Variants in PRICKLE3 observed in about 807,000 individuals in gnomAD.
PRICKLE3 encodes the protein LIM domain only protein 6.
A neutral mutation model predicts 33.8 loss-of-function variants in PRICKLE3; 17 were observed. The observed-to-expected ratio is 0.50, with a 90% CI of 0.34 to 0.75. PRICKLE3 has a LOEUF of 0.75. Among genes scored for constraint, PRICKLE3 ranks in the 30% least tolerant of loss-of-function variants. The pLI is 0.01. For missense variants in PRICKLE3, 573 were observed against 576.7 expected (o/e 0.99, Z 0.07); for synonymous variants, 211 against 219.6 (o/e 0.96, Z 0.34).
chrX:49,176,355 C>T, intron 8 of PRICKLE3, 90 bp from the exon 9 acceptor site: 1 of 684,619 alleles, frequency 1.5e-6, no homozygotes, highest in East Asian at 3.7e-5. Context: ...CTTCTTTCCT[C>T]CACTAAGACT....
Position 49,177,991 on chromosome X carries a change from A to G in PRICKLE3, c.955+2T>C, listed in dbSNP as rs1557100371. ...CTGTCCAGTCCCACAGCATTCACCC[A>G]CCGATGTGCTCCCCACAGCCATCAC... On this transcript the variant is annotated splice_donor_variant, in intron 7 of 8. Transcript: ENST00000599218. LOFTEE classifies it high-confidence loss of function. 1 of 1,141,870 alleles carries G rather than the reference A, an allele frequency of 8.8e-7. No homozygotes were observed. The highest frequency in any genetic ancestry group is 3.0e-5 in the East Asian group (1 of 33,144). The allele number at this position is 1,141,870 out of a possible 1,213,427, so 94.1% of individuals were successfully genotyped here. A position where few individuals can be genotyped will look rare whatever the true frequency, so the allele number is the denominator to read the frequency against.
Position 49,178,197 on chromosome X carries a change from T to C in PRICKLE3, c.769-18A>G, listed in dbSNP as rs1002830217. The C allele has an allele frequency of 4.2e-6, 5 of 1,194,962 alleles. No homozygotes were observed. Among genetic ancestry groups the C allele is most frequent in the African/African-American group, 1.7e-5 (1 of 57,250 alleles). ...AAGATGATCTGGAGGGCGCAGGCCA[T>C]CTGTGGCTGTCAGATGAGCCTGCTC... On this transcript the variant is annotated intron_variant, in intron 6 of 8. Transcript: ENST00000599218.
At position 49,176,218 on chromosome X, in the gene PRICKLE3, G is replaced by A. The variant is rs897966331; in HGVS notation, c.1303C>T (p.Arg435Cys). 2.6e-6 allele frequency: 3 copies of A among 1,157,777 alleles called. No homozygotes were observed. Among genetic ancestry groups the A allele is most frequent in the Non-Finnish European group, 3.5e-6 (3 of 868,336 alleles). ...PSRFLRGAPHRHSMPELGLRS... is the reference protein window; with the variant it reads ...PSRFLRGAPHCHSMPELGLRS... The stretch of plus-strand genomic sequence containing the variant: ...AGCCCCAGTTCCGGCATGGAGTGGC[G>A]GTGGGGAGCCCCTCTCAGAAAGCGG... Residue 435 changes from arginine (R) to cysteine (C), a missense_variant, in exon 9 of 9, where the codon CGC becomes TGC. By Grantham distance (180) the Arg-to-Cys change is radical. Transcript: ENST00000599218.
chrX:49,175,929 T>A lies in PRICKLE3; in HGVS notation c.1592A>T (p.His531Leu). The A allele has an allele frequency of 8.3e-7, 1 of 1,210,768 alleles. No homozygotes were observed. The highest frequency in any genetic ancestry group is 1.1e-6 in the Non-Finnish European group (1 of 895,294). Residue 531 changes from histidine (H) to leucine (L), a missense_variant, in exon 9 of 9, where the codon CAC (histidine) becomes CTC (leucine). Physicochemically the swap from His to Leu is moderately conservative, Grantham distance 99 (BLOSUM62 -3). Transcript: ENST00000599218. The stretch of plus-strand genomic sequence containing the variant: ...CCCTGATCCCGCGTCACATTGATAG[T>A]GGCGACGTCTGCTTGGGTGGCGGTT... ...HHNRHPSRRR[H>L]YQCDAGSGSD...
chrX:49,185,234 C>T (rs782531363), intron 1 of PRICKLE3, among the ~76,000 whole-genome samples: 2 of 111,343 alleles, frequency 1.8e-5, no homozygotes, highest in East Asian at 5.7e-4. Context: ...TCAGGAGCTC[C>T]TCCCCTAAAC....
chrX:49,176,253 T>C lies in PRICKLE3; in HGVS notation c.1268A>G (p.Glu423Gly). The change falls in exon 9 of 9, where the codon GAG (glutamate) becomes GGG (glycine). Residue 423 changes from glutamate to glycine, a missense_variant. Coordinates refer to ENST00000599218, the MANE Select transcript of PRICKLE3 (RefSeq NM_006150.5). Reference sequence around the variant, plus strand: ...CCCTCTCAGAAAGCGGGAGGGCTCCTCAGGGCCTGTAGCTGTTAAGGGGGA... The same window carrying C: ...CCCTCTCAGAAAGCGGGAGGGCTCCCCAGGGCCTGTAGCTGTTAAGGGGGA... ...STELAPATGP[E>G]EPSRFLRGAP... 1 of 1,142,202 alleles carries C rather than the reference T, an allele frequency of 8.8e-7. No homozygotes were observed. Among genetic ancestry groups the C allele is most frequent in the Non-Finnish European group, 1.2e-6 (1 of 860,716 alleles). 94.1% of individuals were successfully genotyped at this position (1,142,202 alleles called of 1,213,427 possible).
intron 7 of PRICKLE3, 106 bp downstream of exon 7, chrX:49,177,887 G>A: frequency 1.1e-6 from 1 of 926,333 alleles, no homozygotes; most frequent in Non-Finnish European, 1.5e-6. Context: ...AAAGTACAGG[G>A]CACAATGGAG....
At chrX:49,177,263 C>A (rs782111615) in intron 7 of PRICKLE3, 61 bp from the exon 8 acceptor site, 13 of 1,033,651 alleles carry the variant, frequency 1.3e-5, no homozygotes, top group Non-Finnish European at 1.6e-5. Context: ...CCCCACCCCT[C>A]GTGAACGAGT....
rs1322273159 is a variant in PRICKLE3 at position 49,184,825 on chromosome X, C to CCTGGGCAGCG, written c.43-125_43-116dup. ...CGACCGCACGCTGGGGCCTGTCTTA[C>CCTGGGCAGCG]CTGGGCAGCGCTGGGCAGGCTGGGA... On this transcript the variant is annotated intron_variant, in intron 1 of 8. Coordinates refer to ENST00000599218, the MANE Select transcript of PRICKLE3 (RefSeq NM_006150.5). 12 of 1,164,569 alleles carry CCTGGGCAGCG rather than the reference C, an allele frequency of 1.0e-5. No homozygotes were observed. In the East Asian group the frequency reaches 2.9e-4, roughly 29 times the overall value.
chrX:49,183,974 G>A, intron 2 of PRICKLE3, 57 bp from the exon 3 acceptor site: 1 of 1,157,449 alleles, frequency 8.6e-7, no homozygotes, highest in Middle Eastern at 2.5e-4. Flanking sequence ...GAACCCCTCG[G>A]CAGCCCAGGT....
rs1225912948 is a variant in PRICKLE3 at position 49,179,364 on chromosome X, C to T, written c.451G>A (p.Glu151Lys). Residue 151 changes from glutamate (E) to lysine (K), a missense_variant, in exon 5 of 9, where the codon GAG becomes AAG. Coordinates refer to ENST00000599218, the MANE Select transcript of PRICKLE3 (RefSeq NM_006150.5). ...SEAQYCTALE[E>K]EEKKELRAFS... ...GCTCGGAGCTCTTTCTTTTCCTCCT[C>T]TTCCAGTGCTGTGCAGTACTGTGCC... 1 of 1,211,334 alleles carries T rather than the reference C, an allele frequency of 8.3e-7. No individual in the cohort carries two copies. Among genetic ancestry groups the T allele is most frequent in the African/African-American group, 1.7e-5 (1 of 57,835 alleles).
In PRICKLE3 at chrX:49,175,965, T is replaced by C; in HGVS notation, c.1556A>G (p.His519Arg). 1.7e-6 allele frequency: 2 copies of C among 1,210,532 alleles called. No homozygotes were observed. Among genetic ancestry groups the C allele is most frequent in the African/African-American group, 3.5e-5 (2 of 57,404 alleles). Residue 519 changes from histidine to arginine, a missense_variant, in exon 9 of 9, where the codon CAT becomes CGT. By Grantham distance (29) the His-to-Arg change is conservative (BLOSUM62 0). Coordinates refer to ENST00000599218, the MANE Select transcript of PRICKLE3 (RefSeq NM_006150.5). ...SRRRHHHHNH[H>R]HHHNRHPSRR... is the part of the protein sequence containing the mutation. ...GCTTGGGTGGCGGTTGTGATGGTGA[T>C]GGTGATTATGATGATGGTGGCGGCG...
chrX:49,181,739 C>T (rs1044639170), intron 3 of PRICKLE3, among the ~76,000 whole-genome samples: 10 of 103,050 alleles, frequency 9.7e-5, no homozygotes, highest in Admixed American at 6.5e-4. Context: ...CTCCGCCTCC[C>T]GGGTTCAAGC....
In PRICKLE3 at chrX:49,179,662, G is replaced by A. The variant is rs1407683597; in HGVS notation, c.426+31C>T. ...TTGGCCCAGGCTGTGTGCTGTGCCT[G>A]GCATGCCCTTCCTGTCTTCTCTCTC... is the stretch of plus-strand genomic sequence containing the variant. On this transcript the variant is annotated intron_variant, in intron 4 of 8. Transcript: ENST00000599218. 5 of 1,077,895 alleles carry A rather than the reference G, an allele frequency of 4.6e-6. No homozygotes were observed. In the African/African-American group the frequency reaches 5.6e-5, roughly 12 times the overall value. The allele number at this position is 1,077,895 out of a possible 1,213,427, so 88.8% of individuals were successfully genotyped here. A position where few individuals can be genotyped will look rare whatever the true frequency, so the allele number is the denominator to read the frequency against.
Position 49,175,237 on chromosome X carries a change from G to A in PRICKLE3, c.*436C>T, listed in dbSNP as rs2147869381. ...ATTAAATTACTTCAATAATACAAAC[G>A]AGAGGCCCGGTGCGGTGGCTCATGC... is the stretch of plus-strand genomic sequence containing the variant. On this transcript the variant is annotated 3_prime_UTR_variant, in exon 9 of 9. Transcript: ENST00000599218. 1 of 167,037 alleles carries A rather than the reference G, an allele frequency of 6.0e-6. No individual in the cohort carries two copies. Among genetic ancestry groups the A allele is most frequent in the East Asian group, 1.5e-4 (1 of 6,758 alleles). 13.8% of individuals were successfully genotyped at this position (167,037 alleles called of 1,213,427 possible).
In PRICKLE3 at chrX:49,177,300, C is replaced by T. The variant is rs189614414; in HGVS notation, c.956-98G>A. The T allele has an allele frequency of 9.1e-4, 819 of 899,130 alleles. 2 individuals are homozygous for T. The highest frequency in any genetic ancestry group is 6.6e-4 in the Non-Finnish European group (445 of 676,690). The allele number at this position is 899,130 out of a possible 1,213,427, so 74.1% of individuals were successfully genotyped here. A position where few individuals can be genotyped will look rare whatever the true frequency, so the allele number is the denominator to read the frequency against. ...CCTTCTCAAGAAGAGGTGGGGAATC[C>T]GAGGCAGGGCACCCCTGGGTGCCTT... On this transcript the variant is annotated intron_variant, in intron 7 of 8. Transcript: ENST00000599218.
At chrX:49,177,227 A>T (rs1557100287) in intron 7 of PRICKLE3, 25 bp from the exon 8 acceptor site, 1 of 1,117,116 alleles carries the variant, frequency 9.0e-7, no homozygotes, top group Non-Finnish European at 1.2e-6. Flanking sequence ...GAGGGGGAAA[A>T]ACTGAGGCAG....
chrX:49,185,501 T>C (rs2065478502), intron 1 of PRICKLE3, among the ~76,000 whole-genome samples: 1 of 111,690 alleles, frequency 9.0e-6, no homozygotes, highest in South Asian at 3.7e-4. Context: ...CTGGAAGCCT[T>C]GTCCCCCCAA....
intron 4 of PRICKLE3, 34 bp from the exon 5 acceptor site, chrX:49,179,422 T>G (rs367621521): frequency 4.3e-5 from 51 of 1,199,376 alleles, no homozygotes; most frequent in Non-Finnish European, 5.7e-5. Flanking sequence ...GGCTCCTCCC[T>G]TGATGCCTGT....
Sources: gnomAD v4.1 joint callset for allele counts (sites outside exome capture counted in the v4.1 genomes callset) on GRCh38, gnomAD v4.1.1 for gene constraint, MANE v1.5 for transcripts, NCBI Gene and HGNC (gene_info 2026-07-23, HGNC 2026-07-21) for gene names.